C9orf43: variants seen among roughly 807,000 people sequenced by gnomAD.
C9orf43 encodes the protein chromosome 9 open reading frame 43, also known as uncharacterized protein C9orf43.
A neutral mutation model predicts 59.1 loss-of-function variants in C9orf43; 45 were observed. That is an observed-to-expected ratio of 0.76 (90% CI 0.60 to 0.98). C9orf43 has a LOEUF of 0.98. Ranked by LOEUF, C9orf43 falls within the 50% of genes least tolerant of loss-of-function variation. The probability of loss-of-function intolerance (pLI) is 0.00; values close to 1 mark genes in which losing one functional copy is unlikely to be tolerated. For synonymous variants in C9orf43, 203 were observed against 196.8 expected, an observed-to-expected ratio of 1.03 and a Z score of -0.26; for missense variants, 533 against 554.9, an observed-to-expected ratio of 0.96 and a Z score of 0.40.
chr9:113,426,442 C>T (rs893170832), intron 11 of C9orf43, among the ~76,000 whole-genome samples: 1 of 152,156 alleles, frequency 6.6e-6, no homozygotes, highest in South Asian at 2.1e-4. Flanking sequence ...GATCGTTGTG[C>T]CCGTCTCAGA....
Position 113,429,512 on chromosome 9 carries a change from G to A in C9orf43, c.*126G>A. 2 of 743,840 alleles carry A rather than the reference G, an allele frequency of 2.7e-6. No individual in the cohort carries two copies. Among genetic ancestry groups the A allele is most frequent in the Admixed American group, 2.7e-5 (1 of 36,608 alleles). 46.1% of individuals were successfully genotyped at this position (743,840 alleles called of 1,614,324 possible). A position where few individuals can be genotyped will look rare whatever the true frequency, so the allele number is the denominator to read the frequency against. On this transcript the variant is annotated 3_prime_UTR_variant, in exon 14 of 14. Transcript: ENST00000374165. ...AAGAGGAGAGGGGCTTCTGCTCTCT[G>A]GAGCCTTTACCAGGGCCTGAGCTCT...
rs1265416414 is a variant in C9orf43 at position 113,425,041 on chromosome 9, A to T, written c.830A>T (p.Glu277Val). 6.2e-7 allele frequency: 1 copy of T among 1,612,596 alleles called. No homozygotes were observed. The highest frequency in any genetic ancestry group is 2.2e-5 in the East Asian group (1 of 44,886). ...TLERPALRYP[E>V]RLKKLHNLKT... ...CAGAGACCAGCACTGCGATATCCTGAACGTTTGAAGAAATTACATAACCTG... is the reference window on the plus strand; with the variant it reads ...CAGAGACCAGCACTGCGATATCCTGTACGTTTGAAGAAATTACATAACCTG... Residue 277 changes from glutamate (E) to valine (V), a missense_variant, in exon 9 of 14, where the codon GAA (glutamate) becomes GTA (valine). Coordinates refer to ENST00000374165, the MANE Select transcript of C9orf43 (RefSeq NM_001278629.2).
chr9:113,427,918 T>C (rs1828849531), intron 11 of C9orf43, among the ~76,000 whole-genome samples: 1 of 152,238 alleles, frequency 6.6e-6, no homozygotes, highest in African/African-American at 2.4e-5. Context: ...CTGGGTCTTT[T>C]AACACACACT....
At chr9:113,427,063 A>G (rs868142347) in intron 11 of C9orf43, among the ~76,000 whole-genome samples, 14 of 152,184 alleles carry the variant, frequency 9.2e-5, no homozygotes, top group African/African-American at 3.4e-4. Context: ...CTATCACACC[A>G]AAGAGGTAGG....
rs76026845 is a variant in C9orf43 at position 113,416,822 on chromosome 9, C to T, written c.288-2286C>T. 9.7e-3 allele frequency among the ~76,000 whole-genome samples: 1,477 copies of T among 152,262 alleles called. 25 individuals are homozygous for T. Among genetic ancestry groups the T allele is most frequent in the African/African-American group, 0.034 (1,412 of 41,534 alleles). ...ATTGAATACTAATAGTACCCTACCT[C>T]CAGTTATGACAACCAGAAATGCCTC... is the stretch of plus-strand genomic sequence containing the variant. On this transcript the variant is annotated intron_variant, in intron 3 of 13. Transcript: ENST00000374165.
At position 113,428,145 on chromosome 9, in the gene C9orf43, A is replaced by G; in HGVS notation, c.1031-2A>G. On this transcript the variant is annotated splice_acceptor_variant, in intron 11 of 13. Transcript: ENST00000374165. LOFTEE classifies it high-confidence loss of function. ...AGATTGAATGGACTCTTTGGTTACT[A>G]GGTTACAGAACTCTGCCAGGTCAGA... The G allele has an allele frequency of 6.2e-7, 1 of 1,614,166 alleles. No homozygotes were observed. Among genetic ancestry groups the G allele is most frequent in the Non-Finnish European group, 8.5e-7 (1 of 1,179,974 alleles).
chr9:113,416,258 T>C (rs1324827269), intron 3 of C9orf43, among the ~76,000 whole-genome samples: 1 of 152,244 alleles, frequency 6.6e-6, no homozygotes, highest in Non-Finnish European at 1.5e-5. Flanking sequence ...GCTTTGTTCA[T>C]TTCCTTGCTT....
In C9orf43 at chr9:113,425,687, T is replaced by G; in HGVS notation, c.987T>G (p.Thr329=). The G allele has an allele frequency of 6.2e-7, 1 of 1,614,148 alleles. No individual in the cohort carries two copies. Among genetic ancestry groups the G allele is most frequent in the Non-Finnish European group, 8.5e-7 (1 of 1,180,008 alleles). The change falls in exon 11 of 14, where the codon ACT becomes ACG. Residue 329 remains threonine (T), a synonymous_variant. Coordinates refer to ENST00000374165, the MANE Select transcript of C9orf43 (RefSeq NM_001278629.2). The part of the protein sequence containing the change: ...KAKSDPGIQS[T]SHKHPVTTVH... Reference sequence around the variant, plus strand: ...AGAGTGATCCAGGGATCCAGAGCACTTCACATAAACATCCAGTTACCACCG... The same window carrying G: ...AGAGTGATCCAGGGATCCAGAGCACGTCACATAAACATCCAGTTACCACCG...
intron 8 of C9orf43, 22 bp from the exon 9 acceptor site, chr9:113,424,997 T>C (rs1196745984): frequency 1.2e-6 from 2 of 1,604,260 alleles, no homozygotes; most frequent in Admixed American, 1.7e-5. Flanking sequence ...AGAGCTTTTC[T>C]TTTTCTTTTT....
Position 113,420,774 on chromosome 9 carries a change from G to A in C9orf43, c.346-329G>A, listed in dbSNP as rs544946606. On this transcript the variant is annotated intron_variant, in intron 4 of 13. Transcript: ENST00000374165. ...AATGTCTGTGGGATCTAAGTCTTTGGAGTGGAGTGGGCAGGATAAGTAATG... is the reference window on the plus strand; with the variant it reads ...AATGTCTGTGGGATCTAAGTCTTTGAAGTGGAGTGGGCAGGATAAGTAATG... 1.0e-5 allele frequency: 10 copies of A among 985,378 alleles called. No individual in the cohort carries two copies. The African/African-American group carries it at 1.4e-4, about 14-fold the overall frequency. The allele number at this position is 985,378 out of a possible 1,614,324, so 61.0% of individuals were successfully genotyped here.
chr9:113,427,285 C>T (rs1828826158), intron 11 of C9orf43, among the ~76,000 whole-genome samples: 1 of 152,206 alleles, frequency 6.6e-6, no homozygotes, highest in Non-Finnish European at 1.5e-5. Flanking sequence ...AAGCAATTCT[C>T]CTGCCTTAGC....
intron 11 of C9orf43, among the ~76,000 whole-genome samples, chr9:113,427,224 C>T (rs1828824002): frequency 1.3e-5 from 2 of 152,126 alleles, no homozygotes; most frequent in African/African-American, 2.4e-5. Flanking sequence ...GGCTGGAGTG[C>T]CATGGTGTGA....
chr9:113,424,364 C>G (rs770152149), intron 8 of C9orf43, 48 bp downstream of exon 8: 8 of 1,546,028 alleles, frequency 5.2e-6, no homozygotes, highest in Admixed American at 2.0e-5. Flanking sequence ...AAAATTCAAA[C>G]CCATCTCTCC....
At chr9:113,428,261 C>G in intron 12 of C9orf43, 38 bp downstream of exon 12, 1 of 1,568,260 alleles carries the variant, frequency 6.4e-7, no homozygotes, top group Non-Finnish European at 8.8e-7. Context: ...GACCCAGTTT[C>G]AGTTATCTAT....
At chr9:113,425,171 G>T in intron 9 of C9orf43, 95 bp downstream of exon 9, 1 of 1,463,388 alleles carries the variant, frequency 6.8e-7, no homozygotes, top group Non-Finnish European at 9.6e-7. Context: ...TATATTTGTG[G>T]CCACAGTCAT....
chr9:113,413,369 T>G, intron 1 of C9orf43, 76 bp from the exon 2 acceptor site: 1 of 1,311,040 alleles, frequency 7.6e-7, no homozygotes, highest in Non-Finnish European at 1.0e-6. Flanking sequence ...TATTTTATAC[T>G]GTGAGTTCAA....
intron 8 of C9orf43, 102 bp downstream of exon 8, chr9:113,424,418 G>A (rs1427412965): frequency 1.5e-6 from 2 of 1,292,770 alleles, no homozygotes. Flanking sequence ...TCTCCCTTCT[G>A]CCTTTCCACT....
At chr9:113,424,066 A>C (rs1588111738) in intron 7 of C9orf43, 100 bp from the exon 8 acceptor site, 1 of 1,417,722 alleles carries the variant, frequency 7.1e-7, no homozygotes, top group African/African-American at 1.4e-5. Context: ...TTCAGACCCA[A>C]AGTGGAAATT....
chr9:113,425,530 A>AT, intron 10 of C9orf43, 110 bp downstream of exon 10: 1 of 1,483,942 alleles, frequency 6.7e-7, no homozygotes, highest in Middle Eastern at 1.8e-4. Flanking sequence ...GTTATAGATA[A>AT]AAAGTTCTTG....
Sources: allele counts gnomAD v4.1 joint callset (sites outside exome capture counted in the v4.1 genomes callset), GRCh38; gene constraint gnomAD v4.1.1; transcripts MANE v1.5; gene names NCBI Gene and HGNC (gene_info 2026-07-23, HGNC 2026-07-21).